The following WDFY4 variants were observed in gnomAD, a reference collection of about 807,000 sequenced individuals.
WDFY4 encodes WD repeat- and FYVE domain-containing protein 4.
In WDFY4, 169 loss-of-function variants were observed where a neutral mutation model predicts 351.9. The ratio of observed to expected loss-of-function variants is 0.48; its 90% CI spans 0.42 to 0.55. The LOEUF (loss-of-function observed/expected upper bound fraction) is 0.55, where lower values mean the gene tolerates loss of function less well. Ranked by LOEUF, WDFY4 falls within the 20% of genes least tolerant of loss-of-function variation. WDFY4 has a pLI of 0.00. For missense variants in WDFY4, 3,803 were observed against 3,935.6 expected, an observed-to-expected ratio of 0.97 and a Z score of 0.90; for synonymous variants, 1,622 against 1,574.6, an observed-to-expected ratio of 1.03 and a Z score of -0.71.
intron 41 of WDFY4, among the ~76,000 whole-genome samples, chr10:48,874,809 A>T (rs2069931098): frequency 6.6e-6 from 1 of 152,158 alleles, no homozygotes; most frequent in Non-Finnish European, 1.5e-5. Flanking sequence ...GACATTGAGG[A>T]TGCTATCTAA....
At chr10:48,823,903 C>T in intron 35 of WDFY4, 5 of 985,770 alleles carry the variant, frequency 5.1e-6, no homozygotes, top group Non-Finnish European at 4.8e-6. Context: ...GAATCCCAAA[C>T]CCCAACAGGT....
At chr10:48,741,280 A>G (rs1334970168) in intron 11 of WDFY4, among the ~76,000 whole-genome samples, 1 of 152,056 alleles carries the variant, frequency 6.6e-6, no homozygotes, top group Non-Finnish European at 1.5e-5. Flanking sequence ...CACACATTCT[A>G]TTGTTTCAAA....
intron 48 of WDFY4, 129 bp downstream of exon 48, chr10:48,941,977 T>C: frequency 1.1e-6 from 1 of 933,868 alleles, no homozygotes; most frequent in South Asian, 1.8e-5. Flanking sequence ...TATTATTATT[T>C]CTTTGAGATG....
chr10:48,958,524 C>G (rs1422124460), intron 52 of WDFY4, among the ~76,000 whole-genome samples: 3 of 152,128 alleles, frequency 2.0e-5, no homozygotes, highest in Non-Finnish European at 4.4e-5. Flanking sequence ...CTCCTACCAG[C>G]AATGGAGGCC....
chr10:48,945,937 A>G, intron 49 of WDFY4, 103 bp from the exon 50 acceptor site: 1 of 800,614 alleles, frequency 1.2e-6, no homozygotes, highest in Admixed American at 3.8e-5. Context: ...GGTCAGACCA[A>G]ATGACTGTAA....
At chr10:48,773,153 TG>T (rs1264450272) in intron 13 of WDFY4, among the ~76,000 whole-genome samples, 1 of 152,168 alleles carries the variant, frequency 6.6e-6, no homozygotes, top group African/African-American at 2.4e-5. Flanking sequence ...CAACAGGTGC[TG>T]GAGAGGATGT....
Position 48,743,351 on chromosome 10 carries a change from C to T in WDFY4, c.2262C>T (p.Gly754=), listed in dbSNP as rs1158420728. The T allele has an allele frequency of 6.4e-7, 1 of 1,551,664 alleles. No homozygotes were observed. Among genetic ancestry groups the T allele is most frequent in the South Asian group, 1.2e-5 (1 of 84,060 alleles). The change falls in exon 12 of 62, where the codon GGC becomes GGT. Residue 754 remains glycine (G), a synonymous_variant. Coordinates refer to ENST00000325239, the MANE Select transcript of WDFY4 (RefSeq NM_001394531.1). ...TGGGCACTGCCTTTTCCTCCAGCGG[C>T]TCACTCCCACCCCGGATACAGAGCT... is the stretch of plus-strand genomic sequence containing the variant. ...DLLGTAFSSS[G]SLPPRIQSCL...
intron 43 of WDFY4, 118 bp from the exon 44 acceptor site, chr10:48,890,461 G>C: frequency 8.0e-7 from 1 of 1,244,218 alleles, no homozygotes; most frequent in Non-Finnish European, 1.1e-6. Context: ...ATTCATACAA[G>C]GCACTGCTCT....
chr10:48,876,638 T>G (rs1473568339), intron 42 of WDFY4, among the ~76,000 whole-genome samples: 1 of 152,166 alleles, frequency 6.6e-6, no homozygotes, highest in Non-Finnish European at 1.5e-5. Flanking sequence ...GTTTCTATCA[T>G]GAGAAAAAAC....
intron 12 of WDFY4, among the ~76,000 whole-genome samples, chr10:48,754,451 G>T (rs1305690922): frequency 1.3e-5 from 2 of 151,626 alleles, no homozygotes; most frequent in Non-Finnish European, 1.5e-5. Context: ...AATTAAAGTT[G>T]TAAATTACTC....
chr10:48,810,773 C>A, intron 29 of WDFY4, 38 bp downstream of exon 29: 1 of 1,478,724 alleles, frequency 6.8e-7, no homozygotes, highest in Non-Finnish European at 9.0e-7. Context: ...GGGGCACCAC[C>A]TAGTCCTGGG....
rs1168037676 is a variant in WDFY4 at position 48,709,849 on chromosome 10, C to A, written c.117C>A (p.Ser39Arg). The A allele has an allele frequency of 1.3e-6, 2 of 1,551,894 alleles. No homozygotes were observed. Among genetic ancestry groups the A allele is most frequent in the Non-Finnish European group, 1.7e-6 (2 of 1,147,028 alleles). ...PDVPHGGQSSSPTALWDMLER... is the reference protein window; with the variant it reads ...PDVPHGGQSSRPTALWDMLER... ...TCCCACATGGAGGGCAGTCCTCCAG[C>A]CCCACAGCTCTCTGGGACATGCTGG... Residue 39 changes from serine (S) to arginine (R), a missense_variant, in exon 2 of 62, where the codon AGC becomes AGA. Around this residue, in one of 3 missense-constraint regions of WDFY4, gnomAD observed 488 missense variants for 456.8 expected, o/e 1.07. Transcript: ENST00000325239.
intron 39 of WDFY4, among the ~76,000 whole-genome samples, chr10:48,860,199 T>C (rs545764218): frequency 3.9e-4 from 60 of 152,354 alleles, no homozygotes; most frequent in Middle Eastern, 3.4e-3. Flanking sequence ...TGCTCTTTAT[T>C]ATGACCTTCC....
rs780213095 is a variant in WDFY4, at chr10:48,779,970, C to G, written c.3427C>G (p.Pro1143Ala). The G allele has an allele frequency of 1.8e-4, 286 of 1,551,656 alleles. No individual in the cohort carries two copies. Among genetic ancestry groups the G allele is most frequent in the Middle Eastern group, 1.3e-3 (8 of 6,010 alleles). ...DVMEPEDDSE[P>A]SAGCQLQVRC... ...CATGGAACCTGAGGATGACTCCGAG[C>G]CTTCTGCAGGATGCCAGCTTCAGGT... Residue 1143 changes from proline (P) to alanine (A), a missense_variant, in exon 19 of 62, where the codon CCT becomes GCT. By Grantham distance (27) the Pro-to-Ala change is conservative (BLOSUM62 -1). This residue lies in a region of WDFY4 where 3,054 missense variants were observed against 3,148.6 expected (regional missense o/e 0.97). Transcript: ENST00000325239.
At chr10:48,913,638 T>C in intron 47 of WDFY4, 1 of 1,614,074 alleles carries the variant, frequency 6.2e-7, no homozygotes, top group Non-Finnish European at 8.5e-7. Flanking sequence ...CCGCTTTATG[T>C]TGAGCTTTTT....
At position 48,783,243 on chromosome 10, in the gene WDFY4, A is replaced by T. The variant is rs373585447; in HGVS notation, c.3576+3124A>T. Among the ~76,000 whole-genome samples, 20 of 152,300 alleles carry T rather than the reference A, an allele frequency of 1.3e-4. No individual in the cohort carries two copies. In the South Asian group the frequency reaches 3.7e-3, roughly 28 times the overall value. ...TGTAGTATTTGCAAATAATAGATGCATACCCTCCTGCATGCTTAACTAAGC... is the reference window on the plus strand; with the variant it reads ...TGTAGTATTTGCAAATAATAGATGCTTACCCTCCTGCATGCTTAACTAAGC... On this transcript the variant is annotated intron_variant, in intron 19 of 61. Coordinates refer to ENST00000325239, the MANE Select transcript of WDFY4 (RefSeq NM_001394531.1).
chr10:48,805,110 G>A (rs1188146123), intron 25 of WDFY4, 150 bp from the exon 26 acceptor site: 2 of 947,846 alleles, frequency 2.1e-6, no homozygotes, highest in Non-Finnish European at 1.5e-6. Context: ...TTCAATGGGT[G>A]TCTGACGGCA....
intron 1 of WDFY4, among the ~76,000 whole-genome samples, chr10:48,700,067 A>G (rs2132138288): frequency 6.6e-6 from 1 of 152,230 alleles, no homozygotes; most frequent in Admixed American, 6.5e-5. Context: ...AAGTTTTAGA[A>G]CCACTGCTTT....
chr10:48,957,387 C>T (rs2133823292), intron 52 of WDFY4, 105 bp downstream of exon 52: 1 of 1,399,250 alleles, frequency 7.1e-7, no homozygotes, highest in East Asian at 2.5e-5. Context: ...TAGGCCCTCC[C>T]CAGGACCTCA....
Sources: gnomAD v4.1 joint callset for allele counts (sites outside exome capture counted in the v4.1 genomes callset) on GRCh38, gnomAD v4.1.1 for gene constraint, gnomAD v4.1.1 regional missense constraint, MANE v1.5 for transcripts, NCBI Gene and HGNC (gene_info 2026-07-23, HGNC 2026-07-21) for gene names.